Variants in TMEM164 observed in about 807,000 individuals in gnomAD.
TMEM164 encodes RP13-360B22.2.
A neutral mutation model predicts 18.8 loss-of-function variants in TMEM164; 4 were observed. The ratio of observed to expected loss-of-function variants is 0.21; its 90% CI spans 0.10 to 0.49. The LOEUF is 0.49. Ranked by LOEUF, TMEM164 falls within the 20% of genes least tolerant of loss-of-function variation. The pLI is 0.98. For synonymous variants in TMEM164, 86 were observed against 101.7 expected (o/e 0.85, Z 0.93); for missense variants, 108 against 239.9 (o/e 0.45, Z 3.63).
intron 5 of TMEM164, among the ~76,000 whole-genome samples, chrX:110,165,510 T>C (rs1022020676): frequency 2.7e-5 from 3 of 112,355 alleles, no homozygotes; most frequent in Non-Finnish European, 5.6e-5. Context: ...ATTCTTGACT[T>C]CTCATGGATC....
intron 5 of TMEM164, among the ~76,000 whole-genome samples, chrX:110,148,133 A>AT (rs2066884685): frequency 1.8e-5 from 2 of 110,373 alleles, no homozygotes; most frequent in Admixed American, 1.9e-4. Context: ...TGCTCAATTT[A>AT]TTTTCTGTCT....
At chrX:110,020,260 A>T in intron 2 of TMEM164, 1 of 461,268 alleles carries the variant, frequency 2.2e-6, no homozygotes, top group Non-Finnish European at 2.7e-6. Context: ...TTTAAAAATT[A>T]AGTCTAGTCC....
At chrX:110,084,345 A>ATACTATATATAT (rs2065801907) in intron 3 of TMEM164, among the ~76,000 whole-genome samples, 1 of 4,421 alleles carries the variant, frequency 2.3e-4, no homozygotes, top group African/African-American at 1.0e-3. Flanking sequence ...CTCTACTAAA[A>ATACTATATATAT]ATACTATATA....
chrX:110,087,229 C>A (rs751775732), intron 3 of TMEM164, among the ~76,000 whole-genome samples: 24 of 112,054 alleles, frequency 2.1e-4, no homozygotes, highest in African/African-American at 7.8e-4. Context: ...CAGTCTGAGT[C>A]AACTGTTTAT....
intron 2 of TMEM164, among the ~76,000 whole-genome samples, chrX:110,038,286 C>T (rs1205913108): frequency 3.6e-5 from 4 of 111,056 alleles, no homozygotes; most frequent in Non-Finnish European, 7.6e-5. Flanking sequence ...CCACCGCGCC[C>T]GGCCTGGACT....
At chrX:110,052,199 G>T (rs767209839) in intron 2 of TMEM164, among the ~76,000 whole-genome samples, 8 of 110,814 alleles carry the variant, frequency 7.2e-5, no homozygotes, top group African/African-American at 2.6e-4. Flanking sequence ...ATCTCCTTCC[G>T]CTTCCCTCCA....
intron 2 of TMEM164, among the ~76,000 whole-genome samples, chrX:110,051,943 T>C (rs1443843099): frequency 8.9e-6 from 1 of 112,372 alleles, no homozygotes; most frequent in Non-Finnish European, 1.9e-5. Flanking sequence ...ATATGACACA[T>C]AGCAAACAAA....
At position 110,035,388 on chromosome X, in the gene TMEM164, A is replaced by G. The variant is rs185180538; in HGVS notation, c.390+31224A>G. On this transcript the variant is annotated intron_variant, in intron 2 of 6. Transcript: ENST00000372068. ...GCCAATTTTATACCTGATTTTTTTC[A>G]CTAAGCATCCTCATAAACGTTTCCT... Among the ~76,000 whole-genome samples the G allele has an allele frequency of 1.0e-3, 115 of 110,980 alleles. 1 individual carries two copies. Among genetic ancestry groups the G allele is most frequent in the African/African-American group, 3.4e-3 (105 of 30,560 alleles).
chrX:110,140,119 G>A (rs764804832), intron 4 of TMEM164, among the ~76,000 whole-genome samples: 15 of 111,574 alleles, frequency 1.3e-4, no homozygotes, highest in Non-Finnish European at 2.6e-4. Flanking sequence ...GGAGGGGAAA[G>A]GCAAAACCTT....
rs756896168 is a variant in TMEM164, at chrX:110,121,894, C to T, written c.507+12748C>T. Among the ~76,000 whole-genome samples, 26 of 111,785 alleles carry T rather than the reference C, an allele frequency of 2.3e-4. No homozygotes were observed. The East Asian group carries it at 6.5e-3, about 28-fold the overall frequency. The stretch of plus-strand genomic sequence containing the variant: ...ATAGCCATTCTAGAGGGTGTGATGT[C>T]GTAGAGGTTGAGTATCCGTTATCCA... On this transcript the variant is annotated intron_variant, in intron 4 of 6. Coordinates refer to ENST00000372068, the MANE Select transcript of TMEM164 (RefSeq NM_032227.4).
At chrX:110,103,440 G>A (rs961051967) in intron 3 of TMEM164, among the ~76,000 whole-genome samples, 8 of 111,845 alleles carry the variant, frequency 7.2e-5, no homozygotes, top group Non-Finnish European at 1.3e-4. Flanking sequence ...GTTTCAGCAG[G>A]CCTCTAAGCT....
At chrX:110,058,818 A>G (rs1251594695) in intron 2 of TMEM164, among the ~76,000 whole-genome samples, 2 of 104,470 alleles carry the variant, frequency 1.9e-5, no homozygotes, top group Non-Finnish European at 3.9e-5. Context: ...TTTAGTAGAG[A>G]CAGAGTTTTG....
intron 3 of TMEM164, among the ~76,000 whole-genome samples, chrX:110,087,108 A>G (rs2065864761): frequency 1.8e-5 from 2 of 112,154 alleles, no homozygotes; most frequent in Non-Finnish European, 3.8e-5. Context: ...TGTAGTACAA[A>G]TGGTGACTAG....
At chrX:110,110,375 C>G (rs1417275568) in intron 4 of TMEM164, among the ~76,000 whole-genome samples, 2 of 112,227 alleles carry the variant, frequency 1.8e-5, no homozygotes, top group Non-Finnish European at 3.8e-5. Context: ...AATCATTTCA[C>G]AATGCAAACA....
At chrX:110,136,438 A>G (rs755428892) in intron 4 of TMEM164, among the ~76,000 whole-genome samples, 6 of 112,139 alleles carry the variant, frequency 5.4e-5, no homozygotes, top group Non-Finnish European at 1.1e-4. Flanking sequence ...GGGCAGTTGT[A>G]AACTGTGAAT....
intron 4 of TMEM164, among the ~76,000 whole-genome samples, chrX:110,140,176 G>A (rs763659486): frequency 1.8e-5 from 2 of 111,592 alleles, no homozygotes; most frequent in African/African-American, 6.5e-5. Context: ...CCGTAAATCC[G>A]TAAATGACTG....
intron 4 of TMEM164, among the ~76,000 whole-genome samples, chrX:110,131,093 A>T (rs999165413): frequency 1.8e-5 from 2 of 111,531 alleles, no homozygotes; most frequent in Non-Finnish European, 3.8e-5. Flanking sequence ...GGTCATGGGG[A>T]TTGTTAGGGG....
chrX:110,134,233 G>T lies in TMEM164; in HGVS notation c.508-10565G>T, dbSNP rs780564313. Among the ~76,000 whole-genome samples, 5 of 111,302 alleles carry T rather than the reference G, an allele frequency of 4.5e-5. No homozygotes were observed. The South Asian group carries it at 1.9e-3, about 43-fold the overall frequency. On this transcript the variant is annotated intron_variant, in intron 4 of 6. Coordinates refer to ENST00000372068, the MANE Select transcript of TMEM164 (RefSeq NM_032227.4). ...AGCACTAAGGAGGAAGTCAGGAGTA[G>T]CCCTGATAGGGTTTGGACTCCAAAA...
intron 4 of TMEM164, among the ~76,000 whole-genome samples, chrX:110,131,227 G>T (rs1370190243): frequency 9.0e-6 from 1 of 111,654 alleles, no homozygotes; most frequent in Non-Finnish European, 1.9e-5. Flanking sequence ...GCAGATGGTG[G>T]GGTGGGGGGT....
Sources: allele counts gnomAD v4.1 joint callset (sites outside exome capture counted in the v4.1 genomes callset), GRCh38; gene constraint gnomAD v4.1.1; transcripts MANE v1.5; gene names NCBI Gene and HGNC (gene_info 2026-07-23, HGNC 2026-07-21).